SPIDR: variants seen among roughly 807,000 people sequenced by gnomAD.
SPIDR encodes DNA repair-scaffolding protein.
In SPIDR, 93 loss-of-function variants were observed where a neutral mutation model predicts 104.6. The observed-to-expected ratio is 0.89, with a 90% CI of 0.75 to 1.06. The LOEUF is 1.06. Ranked by LOEUF, SPIDR falls within the 50% of genes least tolerant of loss-of-function variation. The pLI, the probability that SPIDR is intolerant of heterozygous loss-of-function variation, is 0.00. For missense variants in SPIDR, 1,154 were observed against 1,111.2 expected (o/e 1.04, Z -0.55); for synonymous variants, 431 against 416.9 (o/e 1.03, Z -0.41).
At chr8:47,610,242 A>G (rs920779912) in intron 10 of SPIDR, among the ~76,000 whole-genome samples, 1 of 152,024 alleles carries the variant, frequency 6.6e-6, no homozygotes, top group African/African-American at 2.4e-5. Flanking sequence ...TGCAGCTGCA[A>G]TCTGGAGCAG....
At chr8:47,424,119 C>G (rs782703565) in intron 7 of SPIDR, among the ~76,000 whole-genome samples, 10 of 152,160 alleles carry the variant, frequency 6.6e-5, no homozygotes, top group Non-Finnish European at 8.8e-5. Flanking sequence ...GGCAGCCTAA[C>G]TTGGTGGCCC....
intron 11 of SPIDR, among the ~76,000 whole-genome samples, chr8:47,686,202 A>G (rs1271172234): frequency 6.6e-6 from 1 of 152,210 alleles, no homozygotes; most frequent in Non-Finnish European, 1.5e-5. Context: ...AACATTTCAC[A>G]TGTTCCATAG....
At chr8:47,655,856 T>G (rs752662672) in intron 10 of SPIDR, among the ~76,000 whole-genome samples, 8 of 152,340 alleles carry the variant, frequency 5.3e-5, no homozygotes, top group South Asian at 2.1e-4. Flanking sequence ...TTTATGGTTT[T>G]GGGTCTAACA....
At chr8:47,265,188 CTTTTTTTTTTT>C (rs397892978) in intron 1 of SPIDR, among the ~76,000 whole-genome samples, 1 of 108,996 alleles carries the variant, frequency 9.2e-6, no homozygotes, top group African/African-American at 3.8e-5. Context: ...TCTCAGTTGT[CTTTTTTTTTTT>C]TTTTTTTTTT....
chr8:47,652,901 C>G (rs550890316), intron 10 of SPIDR, among the ~76,000 whole-genome samples: 61 of 152,248 alleles, frequency 4.0e-4, no homozygotes, highest in African/African-American at 8.2e-4. Flanking sequence ...AGCGAATCAC[C>G]TAAGGATGAT....
At chr8:47,682,937 A>G (rs1262532497) in intron 11 of SPIDR, among the ~76,000 whole-genome samples, 3 of 152,244 alleles carry the variant, frequency 2.0e-5, no homozygotes, top group South Asian at 4.1e-4. Flanking sequence ...TACTTTCACT[A>G]TCAATGAGAG....
At chr8:47,614,678 G>C (rs1168031156) in intron 10 of SPIDR, among the ~76,000 whole-genome samples, 1 of 152,166 alleles carries the variant, frequency 6.6e-6, no homozygotes, top group Non-Finnish European at 1.5e-5. Flanking sequence ...CTTCATCATA[G>C]AATGAAGATA....
chr8:47,280,454 G>T (rs1200926786), intron 2 of SPIDR, among the ~76,000 whole-genome samples: 2 of 151,316 alleles, frequency 1.3e-5, no homozygotes, highest in African/African-American at 4.9e-5. Context: ...GTGCAGTGAG[G>T]CTATGTTGGC....
At chr8:47,683,849 G>A (rs1256475972) in intron 11 of SPIDR, among the ~76,000 whole-genome samples, 5 of 152,046 alleles carry the variant, frequency 3.3e-5, no homozygotes, top group East Asian at 1.9e-4. Flanking sequence ...CAATTTGGCC[G>A]GGCATGGTGG....
chr8:47,384,697 A>T (rs2059688931), intron 5 of SPIDR, among the ~76,000 whole-genome samples: 1 of 152,106 alleles, frequency 6.6e-6, no homozygotes, highest in South Asian at 2.1e-4. Flanking sequence ...GGCTTCCCTC[A>T]CACCCCTGCC....
At chr8:47,725,343 T>A (rs1447457002) in intron 16 of SPIDR, among the ~76,000 whole-genome samples, 1 of 152,206 alleles carries the variant, frequency 6.6e-6, no homozygotes, top group Non-Finnish European at 1.5e-5. Context: ...TCAACCCTGA[T>A]GTAAACTATC....
chr8:47,390,350 C>G (rs565576473), intron 5 of SPIDR, among the ~76,000 whole-genome samples: 1 of 151,894 alleles, frequency 6.6e-6, no homozygotes, highest in African/African-American at 2.4e-5. Context: ...TGAAAATTTA[C>G]AAAACTCTTA....
chr8:47,459,728 A>G (rs374382663), intron 8 of SPIDR, among the ~76,000 whole-genome samples: 1 of 151,590 alleles, frequency 6.6e-6, no homozygotes, highest in East Asian at 1.9e-4. Context: ...AGTTCCTTAG[A>G]TTGTCTGTTT....
chr8:47,499,522 A>T (rs1386153196), intron 8 of SPIDR, among the ~76,000 whole-genome samples: 1 of 149,364 alleles, frequency 6.7e-6, no homozygotes, highest in African/African-American at 2.5e-5. Context: ...AGTAGAGACC[A>T]TCAAATGATA....
At chr8:47,327,471 A>G (rs2154266030) in intron 5 of SPIDR, among the ~76,000 whole-genome samples, 1 of 150,728 alleles carries the variant, frequency 6.6e-6, no homozygotes, top group South Asian at 2.1e-4. Flanking sequence ...GGCTCACTAT[A>G]GCACTACAGC....
intron 10 of SPIDR, among the ~76,000 whole-genome samples, chr8:47,607,434 C>T (rs1239377420): frequency 6.6e-6 from 1 of 151,996 alleles, no homozygotes; most frequent in African/African-American, 2.4e-5. Context: ...GGCCATTTGA[C>T]ATTGTTTCTT....
At position 47,502,035 on chromosome 8, in the gene SPIDR, A is replaced by G. The variant is rs569145023; in HGVS notation, c.1097+61493A>G. Among the ~76,000 whole-genome samples, 30 of 152,282 alleles carry G rather than the reference A, an allele frequency of 2.0e-4. No homozygotes were observed. The South Asian group carries it at 6.0e-3, about 30-fold the overall frequency. ...GATAAGTTTTTTGATGTGATGCTGG[A>G]TTCGGTTTGCCAGTATTTTATTGAG... On this transcript the variant is annotated intron_variant, in intron 8 of 19. Coordinates refer to ENST00000297423, the MANE Select transcript of SPIDR (RefSeq NM_001080394.4).
chr8:47,735,523 T>C lies in SPIDR; in HGVS notation c.*73T>C. 2 of 1,607,964 alleles carry C rather than the reference T, an allele frequency of 1.2e-6. No homozygotes were observed. Among genetic ancestry groups the C allele is most frequent in the South Asian group, 2.2e-5 (2 of 90,652 alleles). The stretch of plus-strand genomic sequence containing the variant: ...TGGTGGTGGTGGTGATTTGGGGTAG[T>C]TATTTGTTAACTATGGACACAGTGA... On this transcript the variant is annotated 3_prime_UTR_variant, in exon 20 of 20. Transcript: ENST00000297423.
At chr8:47,340,124 T>C (rs2154274713) in intron 5 of SPIDR, among the ~76,000 whole-genome samples, 1 of 152,312 alleles carries the variant, frequency 6.6e-6, no homozygotes, top group East Asian at 1.9e-4. Context: ...TATGATTTTA[T>C]ATTATGCCTT....
Sources: allele counts gnomAD v4.1 joint callset (sites outside exome capture counted in the v4.1 genomes callset), GRCh38; gene constraint gnomAD v4.1.1; transcripts MANE v1.5; gene names NCBI Gene and HGNC (gene_info 2026-07-23, HGNC 2026-07-21).